Variants in ADAM23 observed in about 807,000 individuals in gnomAD.
The protein encoded by ADAM23 is ADAM metallopeptidase domain 23, also known as disintegrin and metalloproteinase domain-containing protein 23.
Under a neutral mutation model 120.1 loss-of-function variants are expected in ADAM23, and 33 were observed. The observed-to-expected ratio is 0.27, with a 90% CI of 0.21 to 0.37. The LOEUF (loss-of-function observed/expected upper bound fraction) is 0.37, where lower values mean the gene tolerates loss of function less well. Among genes scored for constraint, ADAM23 ranks in the 10% least tolerant of loss-of-function variants. ADAM23 has a pLI of 1.00. For synonymous variants in ADAM23, 367 were observed against 375.2 expected (o/e 0.98, Z 0.25); for missense variants, 862 against 1,058.2 (o/e 0.81, Z 2.57).
intron 3 of ADAM23, among the ~76,000 whole-genome samples, chr2:206,499,634 TATA>T (rs530422404): frequency 7.4e-4 from 113 of 152,028 alleles, no homozygotes; most frequent in African/African-American, 2.5e-3. Flanking sequence ...AAACTTAAAG[TATA>T]ATAATAATAA....
At chr2:206,486,538 A>T (rs909601059) in intron 3 of ADAM23, among the ~76,000 whole-genome samples, 4 of 152,074 alleles carry the variant, frequency 2.6e-5, no homozygotes, top group Non-Finnish European at 4.4e-5. Flanking sequence ...TATTACCCAT[A>T]ATTATATTTG....
intron 3 of ADAM23, 96 bp from the exon 4 acceptor site, chr2:206,530,789 G>C: frequency 1.1e-6 from 1 of 905,884 alleles, no homozygotes; most frequent in Non-Finnish European, 1.7e-6. Context: ...GCTATTTCTG[G>C]TTTGCATGCC....
At chr2:206,606,532 A>G (rs1464351171) in intron 24 of ADAM23, 1 of 152,244 alleles carries the variant, frequency 6.6e-6, no homozygotes, top group African/African-American at 2.4e-5. Context: ...AAACCTGTAT[A>G]ACCATAAGTG....
intron 2 of ADAM23, among the ~76,000 whole-genome samples, chr2:206,476,458 G>T (rs567543877): frequency 6.6e-6 from 1 of 152,228 alleles, no homozygotes; most frequent in South Asian, 2.1e-4. Flanking sequence ...GAGCATTACT[G>T]CCTGAGTTCC....
intron 3 of ADAM23, among the ~76,000 whole-genome samples, chr2:206,520,468 G>A (rs937189876): frequency 1.3e-5 from 2 of 152,170 alleles, no homozygotes; most frequent in African/African-American, 4.8e-5. Context: ...AGAATTTAAA[G>A]AAATGGCAAC....
chr2:206,523,229 G>A (rs1418369310), intron 3 of ADAM23, among the ~76,000 whole-genome samples: 4 of 152,108 alleles, frequency 2.6e-5, no homozygotes, highest in African/African-American at 4.8e-5. Flanking sequence ...TACCTGAGAT[G>A]CAGGAGTACC....
chr2:206,491,025 A>G (rs1252930168), intron 3 of ADAM23, among the ~76,000 whole-genome samples: 1 of 152,214 alleles, frequency 6.6e-6, no homozygotes, highest in Non-Finnish European at 1.5e-5. Flanking sequence ...AATTAAACAT[A>G]ACAAGATTAT....
chr2:206,560,180 T>C, intron 11 of ADAM23, 62 bp downstream of exon 11: 1 of 1,512,766 alleles, frequency 6.6e-7, no homozygotes. Flanking sequence ...TATCCCTTTT[T>C]TGGTTCAGTT....
intron 18 of ADAM23, among the ~76,000 whole-genome samples, chr2:206,574,032 A>G (rs1698062634): frequency 6.6e-6 from 1 of 152,138 alleles, no homozygotes; most frequent in South Asian, 2.1e-4. Flanking sequence ...GGCAAAATCA[A>G]TAATTACTTT....
intron 3 of ADAM23, among the ~76,000 whole-genome samples, chr2:206,498,539 A>G (rs1025906654): frequency 2.0e-5 from 3 of 152,252 alleles, no homozygotes; most frequent in Non-Finnish European, 4.4e-5. Flanking sequence ...ACCTAAAACC[A>G]TAAAAACCCT....
At chr2:206,532,191 C>A (rs1447054299) in intron 4 of ADAM23, among the ~76,000 whole-genome samples, 1 of 152,110 alleles carries the variant, frequency 6.6e-6, no homozygotes, top group African/African-American at 2.4e-5. Context: ...TGTGCCAGGG[C>A]CCTGAGCACT....
intron 3 of ADAM23, among the ~76,000 whole-genome samples, chr2:206,503,246 A>T (rs1696427908): frequency 6.6e-6 from 1 of 152,078 alleles, no homozygotes; most frequent in Non-Finnish European, 1.5e-5. Context: ...TGTTTTTGGG[A>T]TGAACTAAAT....
chr2:206,603,040 TC>T (rs1698667829), intron 24 of ADAM23, among the ~76,000 whole-genome samples: 1 of 152,184 alleles, frequency 6.6e-6, no homozygotes, highest in African/African-American at 2.4e-5. Context: ...CTTTAAGCGT[TC>T]CATCTCCAGG....
At chr2:206,574,780 CT>C (rs1339264801) in intron 18 of ADAM23, among the ~76,000 whole-genome samples, 7 of 152,138 alleles carry the variant, frequency 4.6e-5, no homozygotes, top group African/African-American at 1.7e-4. Context: ...TCCCATTAAG[CT>C]TATTGCCACA....
At chr2:206,459,183 A>G (rs1412059767) in intron 2 of ADAM23, among the ~76,000 whole-genome samples, 2 of 152,204 alleles carry the variant, frequency 1.3e-5, no homozygotes, top group African/African-American at 2.4e-5. Flanking sequence ...AGTTAGAAGC[A>G]TTTATCACCG....
chr2:206,455,149 C>T (rs563496622), intron 2 of ADAM23, among the ~76,000 whole-genome samples: 8 of 152,352 alleles, frequency 5.3e-5, no homozygotes, highest in Admixed American at 3.3e-4. Flanking sequence ...CCAGGTGTTT[C>T]GTACATCCTC....
At chr2:206,615,464 C>G (rs554538617) in intron 25 of ADAM23, among the ~76,000 whole-genome samples, 1 of 152,288 alleles carries the variant, frequency 6.6e-6, no homozygotes, top group African/African-American at 2.4e-5. Flanking sequence ...AAAATTCAGA[C>G]CGTTCTCAAC....
chr2:206,538,840 C>A (rs1280321511), intron 4 of ADAM23, among the ~76,000 whole-genome samples: 1 of 152,190 alleles, frequency 6.6e-6, no homozygotes, highest in Admixed American at 6.5e-5. Flanking sequence ...CAAACTCCTC[C>A]TGGGCTTAAG....
At chr2:206,535,420 A>G (rs1697153684) in intron 4 of ADAM23, among the ~76,000 whole-genome samples, 1 of 152,236 alleles carries the variant, frequency 6.6e-6, no homozygotes, top group Non-Finnish European at 1.5e-5. Flanking sequence ...AAGTTCAACA[A>G]AGAGTTACCA....
Sources: gnomAD v4.1 joint callset for allele counts (sites outside exome capture counted in the v4.1 genomes callset) on GRCh38, gnomAD v4.1.1 for gene constraint, MANE v1.5 for transcripts, NCBI Gene and HGNC (gene_info 2026-07-23, HGNC 2026-07-21) for gene names.